The following SUGCT variants were observed in gnomAD, a reference collection of about 807,000 sequenced individuals.
SUGCT encodes succinyl-CoA:glutarate-CoA transferase.
Under a neutral mutation model 55.0 loss-of-function variants are expected in SUGCT, and 41 were observed. The observed-to-expected ratio is 0.74, with a 90% CI of 0.58 to 0.97. The LOEUF (loss-of-function observed/expected upper bound fraction) is 0.97, where lower values mean the gene tolerates loss of function less well. Ranked by LOEUF, SUGCT falls within the 50% of genes least tolerant of loss-of-function variation. The pLI, the probability that SUGCT is intolerant of heterozygous loss-of-function variation, is 0.00. For synonymous variants in SUGCT, 187 were observed against 200.4 expected, an observed-to-expected ratio of 0.93 and a Z score of 0.56; for missense variants, 568 against 547.8, an observed-to-expected ratio of 1.04 and a Z score of -0.37.
chr7:40,856,416 ATCTT>A (rs902361649), intron 13 of SUGCT, among the ~76,000 whole-genome samples: 2 of 152,234 alleles, frequency 1.3e-5, no homozygotes, highest in African/African-American at 4.8e-5. Context: ...TTTTGGATAA[ATCTT>A]TCTAATATTT....
the SUGCT span, among the ~76,000 whole-genome samples, chr7:40,897,902 AGC>A: frequency 8.6e-6 from 1 of 116,398 alleles, no homozygotes; most frequent in Non-Finnish European, 2.1e-5. Flanking sequence ...TGGACCAATC[AGC>A]TCTCTGTAAA....
intron 12 of SUGCT, among the ~76,000 whole-genome samples, chr7:40,502,277 C>A (rs1476580546): frequency 6.6e-6 from 1 of 151,876 alleles, no homozygotes; most frequent in Non-Finnish European, 1.5e-5. Flanking sequence ...TTTGAACTTG[C>A]AAGCCAAAGA....
At chr7:40,322,180 TG>T (rs1795790870) in intron 9 of SUGCT, among the ~76,000 whole-genome samples, 1 of 152,172 alleles carries the variant, frequency 6.6e-6, no homozygotes, top group African/African-American at 2.4e-5. Flanking sequence ...CCATATCCTT[TG>T]ATTGTTACCA....
At chr7:40,214,923 AAAAG>A (rs1273347389) in intron 6 of SUGCT, among the ~76,000 whole-genome samples, 6 of 152,142 alleles carry the variant, frequency 3.9e-5, no homozygotes, top group South Asian at 2.1e-4. Flanking sequence ...CAAAAAAAAA[AAAAG>A]AAAGAAAGTG....
At chr7:40,294,632 C>T (rs540137017) in intron 8 of SUGCT, among the ~76,000 whole-genome samples, 17 of 152,130 alleles carry the variant, frequency 1.1e-4, no homozygotes, top group South Asian at 2.1e-4. Context: ...CTGCAACCTC[C>T]GCTTCTCAGG....
chr7:40,669,318 T>A (rs1207572776), intron 12 of SUGCT, among the ~76,000 whole-genome samples: 1 of 109,380 alleles, frequency 9.1e-6, no homozygotes, highest in Non-Finnish European at 1.8e-5. Context: ...CAGAGTCACA[T>A]AACATAATAC....
chr7:40,447,812 G>T (rs1449867280), intron 9 of SUGCT, among the ~76,000 whole-genome samples: 1 of 152,106 alleles, frequency 6.6e-6, no homozygotes. Context: ...TTCTTAAAGG[G>T]AGGAGGAAGT....
chr7:40,970,126 CAAG>C, the SUGCT span, among the ~76,000 whole-genome samples: 1 of 152,110 alleles, frequency 6.6e-6, no homozygotes. Context: ...TTTTCAGAAT[CAAG>C]AAGGTTTGTT....
intron 6 of SUGCT, among the ~76,000 whole-genome samples, chr7:40,236,814 G>T (rs1789047693): frequency 6.6e-6 from 1 of 152,000 alleles, no homozygotes; most frequent in African/African-American, 2.4e-5. Flanking sequence ...ATGTGAGAAT[G>T]TGGGCCTGGT....
chr7:40,166,847 A>T (rs1784448533), intron 1 of SUGCT, among the ~76,000 whole-genome samples: 1 of 149,700 alleles, frequency 6.7e-6, no homozygotes, highest in African/African-American at 2.5e-5. Flanking sequence ...AGATTGCGCC[A>T]CTGCACTCCA....
chr7:40,919,591 GC>G, the SUGCT span, among the ~76,000 whole-genome samples: 1 of 151,954 alleles, frequency 6.6e-6, no homozygotes, highest in Non-Finnish European at 1.5e-5. Flanking sequence ...TCAGATTGTT[GC>G]TAATAAAATA....
chr7:40,596,383 T>C (rs1584090167), intron 12 of SUGCT, among the ~76,000 whole-genome samples: 3 of 152,148 alleles, frequency 2.0e-5, no homozygotes, highest in South Asian at 2.1e-4. Flanking sequence ...CAGCCACAGA[T>C]AAAATTCTGC....
At chr7:40,517,601 G>C (rs1793310864) in intron 12 of SUGCT, among the ~76,000 whole-genome samples, 1 of 152,076 alleles carries the variant, frequency 6.6e-6, no homozygotes, top group African/African-American at 2.4e-5. Flanking sequence ...TATAATGACT[G>C]TTTTGAAGAT....
At chr7:40,334,330 T>A (rs1367446770) in intron 9 of SUGCT, among the ~76,000 whole-genome samples, 3 of 152,156 alleles carry the variant, frequency 2.0e-5, no homozygotes, top group Admixed American at 1.3e-4. Context: ...TGCCACACTG[T>A]CTTCCACAAT....
chr7:40,391,824 C>G (rs966962815), intron 9 of SUGCT, among the ~76,000 whole-genome samples: 8 of 152,112 alleles, frequency 5.3e-5, no homozygotes, highest in Non-Finnish European at 1.2e-4. Flanking sequence ...GCTGTAAAGA[C>G]ACATGCACAC....
At chr7:40,135,176 C>G in intron 1 of SUGCT, 56 bp downstream of exon 1, 1 of 1,506,122 alleles carries the variant, frequency 6.6e-7, no homozygotes, top group Non-Finnish European at 8.9e-7. Context: ...CAGCTTGCCT[C>G]CTCGGGCGCC....
chr7:40,393,641 G>A (rs1427202354), intron 9 of SUGCT, among the ~76,000 whole-genome samples: 4 of 152,154 alleles, frequency 2.6e-5, no homozygotes, highest in Non-Finnish European at 5.9e-5. Flanking sequence ...GTTGAAGATA[G>A]AGGAGGGAGT....
chr7:40,246,222 C>T (rs1303003741), intron 7 of SUGCT, among the ~76,000 whole-genome samples: 1 of 151,406 alleles, frequency 6.6e-6, no homozygotes. Context: ...GCTAGCTTAA[C>T]TTCTTTAAGT....
intron 12 of SUGCT, among the ~76,000 whole-genome samples, chr7:40,687,670 C>T (rs940085801): frequency 9.9e-5 from 15 of 152,154 alleles, no homozygotes; most frequent in African/African-American, 3.4e-4. Context: ...CGTTATAGCC[C>T]CTTCATGTCC....
Sources: gnomAD v4.1 joint callset for allele counts (sites outside exome capture counted in the v4.1 genomes callset) on GRCh38, gnomAD v4.1.1 for gene constraint, MANE v1.5 for transcripts, NCBI Gene and HGNC (gene_info 2026-07-23, HGNC 2026-07-21) for gene names.